Variants in LRBA observed in about 807,000 individuals in gnomAD.
LRBA encodes the protein LPS responsive beige-like anchor protein.
A neutral mutation model predicts 330.0 loss-of-function variants in LRBA; 176 were observed. That is an observed-to-expected ratio of 0.53 (90% CI 0.47 to 0.60). The LOEUF (loss-of-function observed/expected upper bound fraction) is 0.60, where lower values mean the gene tolerates loss of function less well. Ranked by LOEUF, LRBA falls within the 20% of genes least tolerant of loss-of-function variation. LRBA has a pLI of 0.00. For synonymous variants in LRBA, 1,230 were observed against 1,193.0 expected (o/e 1.03, Z -0.64); for missense variants, 3,259 against 3,444.8 (o/e 0.95, Z 1.35).
chr4:150,493,778 T>A (rs28410091), intron 40 of LRBA, among the ~76,000 whole-genome samples: 209 of 152,310 alleles, frequency 1.4e-3, no homozygotes, highest in African/African-American at 4.9e-3. Context: ...CCAATATATG[T>A]TCTGCAACAT....
chr4:150,477,204 ATATTTTCATGTT>A (rs1411290978), intron 42 of LRBA, among the ~76,000 whole-genome samples: 1 of 152,116 alleles, frequency 6.6e-6, no homozygotes, highest in Non-Finnish European at 1.5e-5. Context: ...TTCTCATCAG[ATATTTTCATGTT>A]TAAAAACTAC....
At chr4:150,710,764 C>A (rs1455074908) in intron 36 of LRBA, among the ~76,000 whole-genome samples, 1 of 152,054 alleles carries the variant, frequency 6.6e-6, no homozygotes, top group Admixed American at 6.6e-5. Context: ...TTACCTCCTA[C>A]AGCTATCTAT....
chr4:150,344,364 C>A (rs115855553), intron 48 of LRBA, among the ~76,000 whole-genome samples: 2 of 152,176 alleles, frequency 1.3e-5, no homozygotes, highest in African/African-American at 2.4e-5. Context: ...GTGTTTACTT[C>A]AACATCTCCC....
At chr4:150,853,934 C>G (rs897628750) in intron 22 of LRBA, among the ~76,000 whole-genome samples, 1 of 152,014 alleles carries the variant, frequency 6.6e-6, no homozygotes, top group Non-Finnish European at 1.5e-5. Flanking sequence ...AACATTCATT[C>G]AATAAATCTT....
intron 53 of LRBA, among the ~76,000 whole-genome samples, chr4:150,301,397 C>A (rs186358728): frequency 6.6e-6 from 1 of 152,024 alleles, no homozygotes; most frequent in Non-Finnish European, 1.5e-5. Context: ...ACAGGCTTAA[C>A]ATTATTTTTC....
chr4:150,805,610 G>A (rs527637307), intron 33 of LRBA, among the ~76,000 whole-genome samples: 1,163 of 114,670 alleles, frequency 0.01, 89 homozygotes, highest in African/African-American at 0.044. Context: ...GGAAAAGAAA[G>A]GAAAGGAAAG....
At chr4:150,275,786 A>ATAAG (rs1746679125) in intron 56 of LRBA, among the ~76,000 whole-genome samples, 1 of 152,232 alleles carries the variant, frequency 6.6e-6, no homozygotes, top group African/African-American at 2.4e-5. Flanking sequence ...GAGGACACAA[A>ATAAG]TAAGTGGAAA....
chr4:150,683,391 G>A (rs1349425107), intron 37 of LRBA, among the ~76,000 whole-genome samples, 160 bp downstream of exon 37: 2 of 152,142 alleles, frequency 1.3e-5, no homozygotes, highest in Non-Finnish European at 1.5e-5. Flanking sequence ...TACCCATACT[G>A]ATTTTCTCCT....
At chr4:150,835,989 T>C (rs1457661700) in intron 28 of LRBA, among the ~76,000 whole-genome samples, 3 of 152,238 alleles carry the variant, frequency 2.0e-5, no homozygotes, top group Non-Finnish European at 4.4e-5. Context: ...ATACCTAATT[T>C]ATACAGAGTT....
chr4:150,383,334 C>A (rs1197480652), intron 47 of LRBA, among the ~76,000 whole-genome samples: 7 of 152,188 alleles, frequency 4.6e-5, no homozygotes, highest in Non-Finnish European at 1.0e-4. Flanking sequence ...GCAGCCTCAA[C>A]TTCCCAGGGT....
chr4:150,721,407 G>T, intron 36 of LRBA: 1 of 302,280 alleles, frequency 3.3e-6, no homozygotes, highest in East Asian at 9.7e-5. Flanking sequence ...CGAAGTCAAA[G>T]TTATAACATA....
chr4:150,681,704 A>C (rs1042999499), intron 37 of LRBA, among the ~76,000 whole-genome samples: 2 of 152,192 alleles, frequency 1.3e-5, no homozygotes, highest in Non-Finnish European at 2.9e-5. Context: ...ACACATTAGA[A>C]AGCTAATAAT....
intron 36 of LRBA, among the ~76,000 whole-genome samples, chr4:150,715,958 C>T (rs185710374): frequency 6.2e-4 from 94 of 152,316 alleles, no homozygotes; most frequent in African/African-American, 2.2e-3. Flanking sequence ...ACCATCCATA[C>T]ACCCAAGAAG....
At chr4:150,932,535 T>C (rs1157232121) in intron 2 of LRBA, among the ~76,000 whole-genome samples, 1 of 152,098 alleles carries the variant, frequency 6.6e-6, no homozygotes, top group Non-Finnish European at 1.5e-5. Context: ...CATATAAAAA[T>C]AATACATAGT....
intron 36 of LRBA, among the ~76,000 whole-genome samples, chr4:150,691,587 C>T (rs1443327362): frequency 6.6e-6 from 1 of 152,192 alleles, no homozygotes; most frequent in Non-Finnish European, 1.5e-5. Flanking sequence ...ACTCTCATAC[C>T]TACCTTGGTG....
intron 16 of LRBA, 47 bp downstream of exon 16, chr4:150,896,347 T>C: frequency 9.9e-7 from 1 of 1,008,118 alleles, no homozygotes; most frequent in Non-Finnish European, 1.5e-6. Flanking sequence ...AAAAGTCTAA[T>C]GTAGCTTCAA....
At chr4:150,266,504 T>C (rs1159850377) in intron 56 of LRBA, among the ~76,000 whole-genome samples, 1 of 144,368 alleles carries the variant, frequency 6.9e-6, no homozygotes, top group Non-Finnish European at 1.6e-5. Flanking sequence ...AAACTGAGCA[T>C]AGCCAGATTT....
intron 54 of LRBA, among the ~76,000 whole-genome samples, chr4:150,283,698 C>T (rs1233821020): frequency 6.6e-6 from 1 of 152,220 alleles, no homozygotes; most frequent in Non-Finnish European, 1.5e-5. Flanking sequence ...TCAGTTATCA[C>T]TCCTTAAATA....
intron 46 of LRBA, 149 bp downstream of exon 46, chr4:150,435,440 G>A: frequency 1.5e-6 from 1 of 646,842 alleles, no homozygotes; most frequent in South Asian, 2.2e-5. Flanking sequence ...AGAGAGACAT[G>A]CTGTAATTCT....
Sources: allele counts gnomAD v4.1 joint callset (sites outside exome capture counted in the v4.1 genomes callset), GRCh38; gene constraint gnomAD v4.1.1; transcripts MANE v1.5; gene names NCBI Gene and HGNC (gene_info 2026-07-23, HGNC 2026-07-21).